The following MYLK variants were observed in gnomAD, a reference collection of about 807,000 sequenced individuals.
The protein encoded by MYLK is myosin light chain kinase, smooth muscle.
In MYLK, 106 loss-of-function variants were observed where a neutral mutation model predicts 203.4. The observed-to-expected ratio is 0.52, with a 90% CI of 0.45 to 0.61. MYLK has a LOEUF of 0.61. MYLK is among the 20% of genes least tolerant of loss of function. The pLI, the probability that MYLK is intolerant of heterozygous loss-of-function variation, is 0.00. For synonymous variants in MYLK, 867 were observed against 959.5 expected, an observed-to-expected ratio of 0.90 and a Z score of 1.78; for missense variants, 2,072 against 2,442.3, an observed-to-expected ratio of 0.85 and a Z score of 3.20.
At chr3:123,804,643 A>G (rs2065307523) in intron 3 of MYLK, among the ~76,000 whole-genome samples, 1 of 152,108 alleles carries the variant, frequency 6.6e-6, no homozygotes, top group African/African-American at 2.4e-5. Context: ...GGATGATCTT[A>G]AGGGACAAGC....
At chr3:123,738,247 C>G (rs1023545015) in intron 7 of MYLK, among the ~76,000 whole-genome samples, 3 of 152,116 alleles carry the variant, frequency 2.0e-5, no homozygotes, top group African/African-American at 7.2e-5. Flanking sequence ...CACCTAGAAC[C>G]CTAACTTCAC....
At chr3:123,679,030 C>T (rs1193146524) in intron 20 of MYLK, among the ~76,000 whole-genome samples, 3 of 152,276 alleles carry the variant, frequency 2.0e-5, no homozygotes, top group Middle Eastern at 3.4e-3. Flanking sequence ...CATCTTCGGC[C>T]GGGCGCGGTG....
intron 19 of MYLK, among the ~76,000 whole-genome samples, chr3:123,689,191 T>C (rs1659518030): frequency 6.6e-6 from 1 of 152,118 alleles, no homozygotes; most frequent in Admixed American, 6.5e-5. Context: ...CCAGGGTGGC[T>C]GGGGACAGGA....
At chr3:123,711,352 T>C (rs1173201585) in intron 13 of MYLK, among the ~76,000 whole-genome samples, 1 of 152,236 alleles carries the variant, frequency 6.6e-6, no homozygotes, top group African/African-American at 2.4e-5. Context: ...CCATAGTTTA[T>C]TGTACATCAA....
intron 4 of MYLK, among the ~76,000 whole-genome samples, chr3:123,768,485 T>G (rs1463047112): frequency 2.6e-5 from 4 of 152,096 alleles, no homozygotes; most frequent in Non-Finnish European, 5.9e-5. Flanking sequence ...CCAGCCCCTC[T>G]CTAAGGCAAA....
intron 18 of MYLK, among the ~76,000 whole-genome samples, chr3:123,693,811 TA>T (rs1298401483): frequency 1.3e-5 from 2 of 152,200 alleles, no homozygotes; most frequent in African/African-American, 4.8e-5. Context: ...AGCAGTTCCT[TA>T]TTCTTGCTTT....
intron 3 of MYLK, 113 bp downstream of exon 3, chr3:123,831,435 G>T (rs1404157703): frequency 2.3e-5 from 30 of 1,289,168 alleles, no homozygotes; most frequent in Non-Finnish European, 3.0e-5. Flanking sequence ...CACCTTGGGG[G>T]CAGCAGTCTC....
At chr3:123,803,392 C>T (rs902104127) in intron 3 of MYLK, among the ~76,000 whole-genome samples, 6 of 152,274 alleles carry the variant, frequency 3.9e-5, no homozygotes, top group Non-Finnish European at 8.8e-5. Context: ...AGGAGAAATC[C>T]GGATGGCACT....
chr3:123,697,049 C>T (rs919975304), intron 18 of MYLK, among the ~76,000 whole-genome samples: 7 of 152,232 alleles, frequency 4.6e-5, no homozygotes, highest in Non-Finnish European at 8.8e-5. Flanking sequence ...GCAGCTCCTC[C>T]CGACACACTC....
chr3:123,733,857 G>A lies in MYLK; in HGVS notation c.1139C>T (p.Ala380Val). The change falls in exon 10 of 34, where the codon GCC becomes GTC. Residue 380 changes from alanine to valine, a missense_variant. Ala to Val is a moderately conservative substitution (Grantham distance 64, BLOSUM62 0). Around this residue, in one of 3 missense-constraint regions of MYLK, gnomAD observed 683 missense variants for 643.8 expected, o/e 1.06. Coordinates refer to ENST00000360304, the MANE Select transcript of MYLK (RefSeq NM_053025.4). ...GCCAGGCTGCCTGGTGGGGAAGGTGGCTGGACGGGGAGGAGCTGGCCTCTT... is the reference window on the plus strand; with the variant it reads ...GCCAGGCTGCCTGGTGGGGAAGGTGACTGGACGGGGAGGAGCTGGCCTCTT... ...ERKRPAPPRP[A>V]TFPTRQPGLG... 10 of 1,614,138 alleles carry A rather than the reference G, an allele frequency of 6.2e-6. No homozygotes were observed. The highest frequency in any genetic ancestry group is 8.5e-6 in the Non-Finnish European group (10 of 1,180,054).
intron 23 of MYLK, among the ~76,000 whole-genome samples, chr3:123,659,523 C>A (rs1272783386): frequency 1.3e-5 from 2 of 152,110 alleles, no homozygotes; most frequent in South Asian, 4.1e-4. Context: ...GAATTTGCTA[C>A]CAAATTAAGG....
At chr3:123,779,119 A>G (rs1477151692) in intron 4 of MYLK, among the ~76,000 whole-genome samples, 1 of 152,192 alleles carries the variant, frequency 6.6e-6, no homozygotes, top group Non-Finnish European at 1.5e-5. Flanking sequence ...TCTGCTCCAG[A>G]AACAGTCTTT....
chr3:123,820,611 T>TTTCC (rs71142760), intron 3 of MYLK, among the ~76,000 whole-genome samples: 19,653 of 136,050 alleles, frequency 0.14, 1,819 homozygotes, highest in East Asian at 0.39. Flanking sequence ...CAGTGATTGA[T>TTTCC]TTCCTTCCTT....
At chr3:123,804,915 T>C (rs1325554426) in intron 3 of MYLK, among the ~76,000 whole-genome samples, 3 of 152,038 alleles carry the variant, frequency 2.0e-5, no homozygotes, top group African/African-American at 7.2e-5. Flanking sequence ...GCCTAAGCCA[T>C]TCAGCTGGAA....
chr3:123,717,462 T>C (rs1481939926), intron 13 of MYLK, among the ~76,000 whole-genome samples: 2 of 152,254 alleles, frequency 1.3e-5, no homozygotes, highest in African/African-American at 4.8e-5. Context: ...TGTCCTTAGA[T>C]GCCTTAAACA....
At chr3:123,723,104 G>A (rs1361659433) in intron 12 of MYLK, among the ~76,000 whole-genome samples, 3 of 152,068 alleles carry the variant, frequency 2.0e-5, no homozygotes, top group South Asian at 2.1e-4. Context: ...GTCTGTCCTC[G>A]GAGCAGGAAT....
chr3:123,652,399 C>T (rs149890135), intron 24 of MYLK, among the ~76,000 whole-genome samples: 64 of 152,300 alleles, frequency 4.2e-4, no homozygotes, highest in African/African-American at 1.3e-3. Flanking sequence ...ATGAGAGTCT[C>T]GTTACCCTGG....
At chr3:123,759,478 T>A (rs2063467158) in intron 4 of MYLK, among the ~76,000 whole-genome samples, 1 of 152,224 alleles carries the variant, frequency 6.6e-6, no homozygotes. Context: ...AACAAATTAA[T>A]GCTGTGGTTT....
chr3:123,869,175 G>A (rs921956885), intron 2 of MYLK, among the ~76,000 whole-genome samples: 6 of 152,034 alleles, frequency 3.9e-5, no homozygotes, highest in Admixed American at 1.3e-4. Context: ...CCCCTAACAC[G>A]TGTGCAAAAG....
Sources: gnomAD v4.1 joint callset for allele counts (sites outside exome capture counted in the v4.1 genomes callset) on GRCh38, gnomAD v4.1.1 for gene constraint, gnomAD v4.1.1 regional missense constraint, MANE v1.5 for transcripts, NCBI Gene and HGNC (gene_info 2026-07-23, HGNC 2026-07-21) for gene names.